CLASP1: variants seen among roughly 807,000 people sequenced by gnomAD.
The protein encoded by CLASP1 is cytoplasmic linker associated protein 1, also known as CLIP-associating protein 1.
In CLASP1, 38 loss-of-function variants were observed where a neutral mutation model predicts 192.3. The ratio of observed to expected loss-of-function variants is 0.20; its 90% CI spans 0.15 to 0.26. CLASP1 has a LOEUF of 0.26. Among genes scored for constraint, CLASP1 ranks in the 10% least tolerant of loss-of-function variants. The pLI is 1.00. For synonymous variants in CLASP1, 691 were observed against 712.8 expected, an observed-to-expected ratio of 0.97 and a Z score of 0.49; for missense variants, 1,433 against 1,932.5, an observed-to-expected ratio of 0.74 and a Z score of 4.85.
At chr2:121,368,813 G>T (rs141923698) in intron 34 of CLASP1, among the ~76,000 whole-genome samples, 83 of 152,042 alleles carry the variant, frequency 5.5e-4, no homozygotes, top group African/African-American at 1.9e-3. Context: ...ACTTTTTTCC[G>T]GTTTTGGAAA....
intron 10 of CLASP1, among the ~76,000 whole-genome samples, chr2:121,462,041 G>A (rs979630009): frequency 9.9e-5 from 15 of 151,996 alleles, no homozygotes; most frequent in African/African-American, 3.6e-4. Flanking sequence ...AGCAACAGAC[G>A]ATACTAAGGC....
chr2:121,614,357 G>A (rs746524558), intron 1 of CLASP1, among the ~76,000 whole-genome samples: 3 of 152,136 alleles, frequency 2.0e-5, no homozygotes, highest in Non-Finnish European at 4.4e-5. Context: ...CTAGCCAGGC[G>A]TGGTGGTGTG....
chr2:121,503,628 C>G (rs1473885584), intron 7 of CLASP1, among the ~76,000 whole-genome samples: 1 of 152,156 alleles, frequency 6.6e-6, no homozygotes, highest in Non-Finnish European at 1.5e-5. Context: ...CTATCAATAA[C>G]TTGGGATGGA....
chr2:121,444,762 A>G (rs2084018654), intron 19 of CLASP1, among the ~76,000 whole-genome samples: 1 of 152,192 alleles, frequency 6.6e-6, no homozygotes, highest in Admixed American at 6.5e-5. Context: ...AGGAGAACTC[A>G]GGTAGAGGTA....
chr2:121,552,175 T>C (rs1273524376), intron 2 of CLASP1, among the ~76,000 whole-genome samples: 2 of 152,120 alleles, frequency 1.3e-5, no homozygotes, highest in East Asian at 1.9e-4. Flanking sequence ...CCTTACACCA[T>C]ACATAAAAAT....
chr2:121,635,223 AAAAG>A (rs2070611406), intron 1 of CLASP1, among the ~76,000 whole-genome samples: 2 of 104,670 alleles, frequency 1.9e-5, no homozygotes, highest in African/African-American at 1.5e-4. Context: ...AAAAAAAAAG[AAAAG>A]AAAAGAAAAG....
Position 121,533,513 on chromosome 2 carries a change from CT to C in CLASP1, c.196-3189del, listed in dbSNP as rs200137611. ...CTGTGCCTGGCACGTGGTAAGGGTA[CT>C]TTTTTTTTCCCCCTATTTCTGCTTT... On this transcript the variant is annotated intron_variant, in intron 2 of 39. Transcript: ENST00000263710. Among the ~76,000 whole-genome samples, 549 of 151,686 alleles carry C rather than the reference CT, an allele frequency of 3.6e-3. 1 individual carries two copies. Among genetic ancestry groups the C allele is most frequent in the Non-Finnish European group, 6.2e-3 (423 of 67,872 alleles).
At chr2:121,402,780 T>A (rs2149468248) in intron 26 of CLASP1, 1 of 410,562 alleles carries the variant, frequency 2.4e-6, no homozygotes, top group Admixed American at 3.0e-5. Context: ...CTTTTACCAC[T>A]ACCTTAGAGA....
At chr2:121,405,831 T>C (rs2076832610) in intron 25 of CLASP1, among the ~76,000 whole-genome samples, 1 of 152,180 alleles carries the variant, frequency 6.6e-6, no homozygotes, top group South Asian at 2.1e-4. Flanking sequence ...AAACTTCCTG[T>C]ATCGTCTTTG....
At chr2:121,360,963 C>A (rs192153991) in intron 37 of CLASP1, among the ~76,000 whole-genome samples, 55 of 151,038 alleles carry the variant, frequency 3.6e-4, no homozygotes, top group African/African-American at 1.2e-3. Context: ...TCTAATTTTG[C>A]AGAAAAAAAA....
intron 37 of CLASP1, among the ~76,000 whole-genome samples, chr2:121,359,353 G>A (rs1405971622): frequency 6.6e-6 from 1 of 152,220 alleles, no homozygotes; most frequent in African/African-American, 2.4e-5. Flanking sequence ...CTGGACAACA[G>A]CAGACGCAGG....
chr2:121,639,336 A>C (rs2071569849), intron 1 of CLASP1, among the ~76,000 whole-genome samples: 1 of 152,174 alleles, frequency 6.6e-6, no homozygotes, highest in African/African-American at 2.4e-5. Context: ...AGCCAGTCAC[A>C]AAAGGAAAAT....
chr2:121,395,220 T>C (rs1320560636), intron 30 of CLASP1, among the ~76,000 whole-genome samples: 1 of 152,104 alleles, frequency 6.6e-6, no homozygotes. Flanking sequence ...AGAGAACACA[T>C]GTCAGATTCC....
intron 2 of CLASP1, among the ~76,000 whole-genome samples, chr2:121,533,652 AT>A (rs1183429602): frequency 6.6e-6 from 1 of 152,210 alleles, no homozygotes; most frequent in Admixed American, 6.5e-5. Context: ...ATAAAAGTCA[AT>A]CAAAATCTTT....
At chr2:121,386,311 T>C (rs971691963) in intron 32 of CLASP1, among the ~76,000 whole-genome samples, 31 of 152,332 alleles carry the variant, frequency 2.0e-4, no homozygotes, top group Admixed American at 9.1e-4. Context: ...CTGGTTTGTA[T>C]TGTTAGTGAT....
intron 2 of CLASP1, among the ~76,000 whole-genome samples, chr2:121,559,761 A>G (rs78179854): frequency 0.033 from 5,090 of 152,276 alleles, 114 homozygotes; most frequent in Middle Eastern, 0.061. Context: ...TTCAAACACT[A>G]GACAGTGGTG....
rs540528245 is a variant in CLASP1 at position 121,628,549 on chromosome 2, G to A, written c.-286+20823C>T. Among the ~76,000 whole-genome samples the A allele has an allele frequency of 1.8e-4, 28 of 151,750 alleles. No individual in the cohort carries two copies. The South Asian group carries it at 4.2e-3, about 23-fold the overall frequency. On this transcript the variant is annotated intron_variant, in intron 1 of 39. Coordinates refer to ENST00000263710, the Ensembl canonical transcript of CLASP1. ...AAATTAGCCAGGCATGGTGGTGCAC[G>A]CCTGTAACCCCAGCTACTCCTGATG...
chr2:121,368,159 C>T (rs1174098537), intron 34 of CLASP1, among the ~76,000 whole-genome samples: 1 of 152,186 alleles, frequency 6.6e-6, no homozygotes, highest in South Asian at 2.1e-4. Flanking sequence ...CCACTCACAC[C>T]CCTGCTTTCA....
intron 8 of CLASP1, among the ~76,000 whole-genome samples, chr2:121,493,592 A>AT (rs891817544): frequency 6.6e-6 from 1 of 152,132 alleles, no homozygotes; most frequent in African/African-American, 2.4e-5. Context: ...CTGGGCAAAG[A>AT]TTTTTTCAGT....
Sources: allele counts gnomAD v4.1 joint callset (sites outside exome capture counted in the v4.1 genomes callset), GRCh38; gene constraint gnomAD v4.1.1; transcripts MANE v1.5; gene names NCBI Gene and HGNC (gene_info 2026-07-23, HGNC 2026-07-21).